Variants in BCL2L1 observed in about 807,000 individuals in gnomAD.
The protein encoded by BCL2L1 is bcl-2-like protein 1.
BCL2L1 carries 1 observed loss-of-function variant against 18.7 expected under a neutral mutation model. The observed-to-expected ratio is 0.05, with a 90% CI of 0.02 to 0.25. The LOEUF (loss-of-function observed/expected upper bound fraction) is 0.25. Ranked by LOEUF, BCL2L1 falls within the 10% of genes least tolerant of loss-of-function variation. The pLI, the probability that BCL2L1 is intolerant of heterozygous loss-of-function variation, is 1.00. For synonymous variants in BCL2L1, 103 were observed against 122.7 expected, an observed-to-expected ratio of 0.84 and a Z score of 1.06; for missense variants, 207 against 304.9, an observed-to-expected ratio of 0.68 and a Z score of 2.39.
chr20:31,723,658 G>C, upstream of BCL2L1: 1 of 985,554 alleles, frequency 1.0e-6, no homozygotes. Context: ...AGCGAGCCCA[G>C]CCGGCACGGA....
rs982539055 is a variant in BCL2L1 at position 31,700,137 on chromosome 20, G to C, written c.564+21518C>G. ...CCATTAAAGTAAGAGTTCTACAAGA[G>C]CAATGTCCTTGACCTTATCTTGTTT... On this transcript the variant is annotated intron_variant, in intron 2 of 2. Transcript: ENST00000307677. Among the ~76,000 whole-genome samples, 3 of 152,212 alleles carry C rather than the reference G, an allele frequency of 2.0e-5. No homozygotes were observed. In the South Asian group the frequency reaches 6.2e-4, roughly 31 times the overall value.
intron 2 of BCL2L1, among the ~76,000 whole-genome samples, chr20:31,709,415 G>A (rs2061418183): frequency 6.6e-6 from 1 of 152,046 alleles, no homozygotes; most frequent in Non-Finnish European, 1.5e-5. Context: ...AAGCTGGAGT[G>A]CAATGGCATG....
intron 2 of BCL2L1, among the ~76,000 whole-genome samples, chr20:31,669,734 G>T (rs6088932): frequency 6.6e-6 from 1 of 151,770 alleles, no homozygotes; most frequent in African/African-American, 2.4e-5. Flanking sequence ...CACTGCCCTC[G>T]GCCTATACTA....
At chr20:31,685,155 C>G (rs1469245355) in intron 2 of BCL2L1, among the ~76,000 whole-genome samples, 1 of 152,206 alleles carries the variant, frequency 6.6e-6, no homozygotes, top group Non-Finnish European at 1.5e-5. Flanking sequence ...GTAATCCCAG[C>G]ACTTTGGGAA....
At chr20:31,699,119 C>T (rs1466655018) in intron 2 of BCL2L1, among the ~76,000 whole-genome samples, 1 of 152,218 alleles carries the variant, frequency 6.6e-6, no homozygotes, top group Admixed American at 6.5e-5. Context: ...ATCCTCCTGC[C>T]TCTCAAGGAC....
intron 2 of BCL2L1, among the ~76,000 whole-genome samples, chr20:31,683,398 C>T (rs559282325): frequency 1.5e-3 from 221 of 152,262 alleles, no homozygotes; most frequent in African/African-American, 4.9e-3. Flanking sequence ...CTTAATTATC[C>T]TTTATTAAAA....
chr20:31,718,075 CAGG>C (rs1337592641), intron 2 of BCL2L1, among the ~76,000 whole-genome samples: 1 of 152,194 alleles, frequency 6.6e-6, no homozygotes, highest in Admixed American at 6.5e-5. Flanking sequence ...ACAATTATGG[CAGG>C]AGAAGGGCTT....
chr20:31,710,330 AT>A (rs1417354552), intron 2 of BCL2L1, among the ~76,000 whole-genome samples: 1 of 152,342 alleles, frequency 6.6e-6, no homozygotes, highest in African/African-American at 2.4e-5. Flanking sequence ...GATCCATAGG[AT>A]GAGTGATACA....
chr20:31,699,700 T>A (rs1219488854), intron 2 of BCL2L1, among the ~76,000 whole-genome samples: 1 of 152,232 alleles, frequency 6.6e-6, no homozygotes, highest in Non-Finnish European at 1.5e-5. Flanking sequence ...AAATCCAGGA[T>A]TCACCACGTA....
Position 31,699,696 on chromosome 20 carries a change from A to G in BCL2L1, c.564+21959T>C, listed in dbSNP as rs538359336. On this transcript the variant is annotated intron_variant, in intron 2 of 2. Transcript: ENST00000307677. ...GCCAGCCCAATCTAGGTCCAAATCC[A>G]GGATTCACCACGTAAAGCTGCAGGA... is the stretch of plus-strand genomic sequence containing the variant. Among the ~76,000 whole-genome samples, 12 of 152,366 alleles carry G rather than the reference A, an allele frequency of 7.9e-5. No individual in the cohort carries two copies. The South Asian group carries it at 2.3e-3, about 29-fold the overall frequency.
chr20:31,708,492 G>A (rs2061404109), intron 2 of BCL2L1, among the ~76,000 whole-genome samples: 2 of 152,250 alleles, frequency 1.3e-5, no homozygotes, highest in South Asian at 4.1e-4. Flanking sequence ...TAGGTCATCA[G>A]GTTCCTGGAG....
chr20:31,723,741 GC>G, upstream of BCL2L1: 2 of 985,452 alleles, frequency 2.0e-6, no homozygotes, highest in Non-Finnish European at 2.4e-6. Flanking sequence ...TCACCTGCGA[GC>G]CCCGCGAGCC....
chr20:31,713,017 C>A (rs999298548), intron 2 of BCL2L1, among the ~76,000 whole-genome samples: 1 of 152,028 alleles, frequency 6.6e-6, no homozygotes, highest in African/African-American at 2.4e-5. Context: ...TTTATATGTG[C>A]CAAACCTCAA....
chr20:31,722,291 TTA>T lies in BCL2L1; in HGVS notation c.-75_-74del. The T allele has an allele frequency of 8.8e-7, 1 of 1,137,578 alleles. No homozygotes were observed. The highest frequency in any genetic ancestry group is 2.2e-5 in the South Asian group (1 of 46,122). The allele number at this position is 1,137,578 out of a possible 1,614,324, so 70.5% of individuals were successfully genotyped here. A position where few individuals can be genotyped will look rare whatever the true frequency, so the allele number is the denominator to read the frequency against. On this transcript the variant is annotated 5_prime_UTR_variant, in exon 2 of 3. Coordinates refer to ENST00000307677, the MANE Select transcript of BCL2L1 (RefSeq NM_138578.3). ...CTCACTCACTGAGTCTCGTCTCTGG[TTA>T]GTGATTCTCTTCTAAGATCCAAAGC...
intron 2 of BCL2L1, among the ~76,000 whole-genome samples, chr20:31,703,382 T>C (rs2061315232): frequency 6.6e-6 from 1 of 152,162 alleles, no homozygotes; most frequent in African/African-American, 2.4e-5. Context: ...TTGCATCATG[T>C]TGGCCAGGCT....
chr20:31,710,147 G>C (rs1464979992), intron 2 of BCL2L1, among the ~76,000 whole-genome samples: 2 of 152,180 alleles, frequency 1.3e-5, no homozygotes, highest in African/African-American at 4.8e-5. Flanking sequence ...TGCCTCCTAT[G>C]TACCAAGCAC....
chr20:31,671,513 G>T (rs2060667930), intron 2 of BCL2L1, among the ~76,000 whole-genome samples: 1 of 152,050 alleles, frequency 6.6e-6, no homozygotes, highest in Non-Finnish European at 1.5e-5. Context: ...CCATTTTGGA[G>T]TCCCCTCTTC....
chr20:31,720,238 T>C, intron 2 of BCL2L1: 2 of 842,546 alleles, frequency 2.4e-6, no homozygotes, highest in Non-Finnish European at 2.9e-6. Context: ...GGGGTGGGGT[T>C]CCAGGGCAAA....
At chr20:31,697,919 G>GTTTTTTTTTTTTTTTT (rs2061208473) in intron 2 of BCL2L1, among the ~76,000 whole-genome samples, 1 of 61,704 alleles carries the variant, frequency 1.6e-5, no homozygotes, top group African/African-American at 2.7e-4. Flanking sequence ...ACGGAGTCTC[G>GTTTTTTTTTTTTTTTT]CTTTGTTGCC....
Sources: gnomAD v4.1 joint callset for allele counts (sites outside exome capture counted in the v4.1 genomes callset) on GRCh38, gnomAD v4.1.1 for gene constraint, MANE v1.5 for transcripts, NCBI Gene and HGNC (gene_info 2026-07-23, HGNC 2026-07-21) for gene names.